TJP3: variants seen among roughly 807,000 people sequenced by gnomAD.
TJP3 encodes the protein tight junction protein 3.
A neutral mutation model predicts 104.2 loss-of-function variants in TJP3; 85 were observed. The ratio of observed to expected loss-of-function variants is 0.82; its 90% confidence interval spans 0.68 to 0.98. The LOEUF (loss-of-function observed/expected upper bound fraction) is 0.98, where lower values mean the gene tolerates loss of function less well. Among genes scored for constraint, TJP3 ranks in the 50% least tolerant of loss-of-function variants. The probability of loss-of-function intolerance (pLI) is 0.00; values close to 1 mark genes in which losing one functional copy is unlikely to be tolerated. For synonymous variants in TJP3, 550 were observed against 550.6 expected, an observed-to-expected ratio of 1.00 and a Z score of 0.02; for missense variants, 1,367 against 1,322.8, an observed-to-expected ratio of 1.03 and a Z score of -0.52.
intron 18 of TJP3, among the ~76,000 whole-genome samples, chr19:3,747,082 G>C (rs1217282917): frequency 2.6e-5 from 4 of 151,918 alleles, no homozygotes; most frequent in Non-Finnish European, 5.9e-5. Flanking sequence ...TGTTTGATTT[G>C]AGATGGAGTC....
At chr19:3,715,280 G>A (rs2036467452) in intron 1 of TJP3, among the ~76,000 whole-genome samples, 1 of 152,038 alleles carries the variant, frequency 6.6e-6, no homozygotes, top group South Asian at 2.1e-4. Context: ...TAGTAGAGAT[G>A]GGGTTTCACC....
chr19:3,741,181 T>G (rs2036812271), intron 14 of TJP3, among the ~76,000 whole-genome samples: 1 of 151,946 alleles, frequency 6.6e-6, no homozygotes, highest in South Asian at 2.1e-4. Flanking sequence ...TTTTGTATTT[T>G]TAGTAAAGAC....
intron 1 of TJP3, among the ~76,000 whole-genome samples, chr19:3,720,951 A>C (rs1599145299): frequency 8.2e-6 from 1 of 121,226 alleles, no homozygotes; most frequent in South Asian, 2.7e-4. Context: ...TCTGTCGCCC[A>C]GACTGGAGTG....
intron 1 of TJP3, among the ~76,000 whole-genome samples, chr19:3,717,937 C>T (rs1467700389): frequency 4.8e-5 from 6 of 125,982 alleles, no homozygotes; most frequent in Admixed American, 1.6e-4. Flanking sequence ...AAAAAAAGGC[C>T]GGGCACGATG....
chr19:3,712,425 A>C (rs1599140220), intron 1 of TJP3, among the ~76,000 whole-genome samples: 1 of 152,104 alleles, frequency 6.6e-6, no homozygotes, highest in South Asian at 2.1e-4. Context: ...TGGCTTTCCC[A>C]CTGGGGGCCC....
chr19:3,711,268 G>A (rs556047539), intron 1 of TJP3, among the ~76,000 whole-genome samples: 1 of 61,542 alleles, frequency 1.6e-5, no homozygotes, highest in Non-Finnish European at 3.2e-5. Context: ...AACGATCTCC[G>A]CTCGCTGCAA....
chr19:3,735,249 G>A (rs925468069), intron 8 of TJP3, among the ~76,000 whole-genome samples: 2 of 151,952 alleles, frequency 1.3e-5, no homozygotes, highest in Non-Finnish European at 2.9e-5. Flanking sequence ...GCCCAGGCTG[G>A]AGTGCAGTGG....
intron 1 of TJP3, among the ~76,000 whole-genome samples, chr19:3,717,331 G>A (rs2036488483): frequency 7.9e-6 from 1 of 126,850 alleles, no homozygotes; most frequent in African/African-American, 2.5e-5. Context: ...TCAAACTCCT[G>A]ACCTCAAGTG....
chr19:3,737,149 A>C (rs1348670236), intron 11 of TJP3, among the ~76,000 whole-genome samples: 1 of 151,966 alleles, frequency 6.6e-6, no homozygotes, highest in Non-Finnish European at 1.5e-5. Context: ...CAAAGTGCTG[A>C]GATTATAAGC....
At chr19:3,727,197 T>G (rs1375127121) in intron 1 of TJP3, among the ~76,000 whole-genome samples, 1 of 151,682 alleles carries the variant, frequency 6.6e-6, no homozygotes, top group African/African-American at 2.4e-5. Context: ...AGATAGTACA[T>G]GTAAGGCTGG....
At chr19:3,720,966 G>T (rs1388490110) in intron 1 of TJP3, among the ~76,000 whole-genome samples, 2 of 143,170 alleles carry the variant, frequency 1.4e-5, no homozygotes, top group Admixed American at 7.2e-5. Flanking sequence ...GGAGTGCAGT[G>T]GCGTGATATC....
At position 3,733,759 on chromosome 19, in the gene TJP3, G is replaced by A. The variant is rs200312524; in HGVS notation, c.724G>A (p.Gly242Arg). The change falls in exon 7 of 21, where the codon GGG becomes AGG. Residue 242 changes from glycine (G) to arginine (R), a missense_variant. Physicochemically the swap from Gly to Arg is moderately radical, Grantham distance 125 (BLOSUM62 -2). Transcript: ENST00000541714. Reference sequence around the variant, plus strand: ...CATTCCTGGTCCCTTTCAGATCAACGGGGTGTCTAGCCAGAACCTGTCACT... The same window carrying A: ...CATTCCTGGTCCCTTTCAGATCAACAGGGTGTCTAGCCAGAACCTGTCACT... ...QEGDLILQIN[G>R]VSSQNLSLND... is the part of the protein sequence containing the mutation. The A allele has an allele frequency of 1.4e-5, 23 of 1,613,844 alleles. No homozygotes were observed. Among genetic ancestry groups the A allele is most frequent in the East Asian group, 2.2e-5 (1 of 44,884 alleles).
At position 3,740,735 on chromosome 19, in the gene TJP3, G is replaced by A. The variant is rs374536544; in HGVS notation, c.1815G>A (p.Pro605=). The stretch of plus-strand genomic sequence containing the variant: ...CTCTGACCCGACAGGGCCGCTACCC[G>A]CCCTACGAACGAGTGGTGTTGCGAG... ...LSALTRQGRY[P]PYERVVLREA... is the part of the protein sequence containing the mutation. Residue 605 remains proline (P), a synonymous_variant, in exon 14 of 21, where the codon CCG becomes CCA. Coordinates refer to ENST00000541714, the MANE Select transcript of TJP3 (RefSeq NM_001267560.2). 59 of 1,593,596 alleles carry A rather than the reference G, an allele frequency of 3.7e-5. No individual in the cohort carries two copies. Among genetic ancestry groups the A allele is most frequent in the African/African-American group, 9.5e-5 (7 of 74,068 alleles).
chr19:3,724,664 G>T (rs1026252870), intron 1 of TJP3, among the ~76,000 whole-genome samples: 21 of 152,172 alleles, frequency 1.4e-4, no homozygotes, highest in Non-Finnish European at 2.2e-4. Flanking sequence ...AGCCTCTCGA[G>T]GAGCTGGGAC....
At chr19:3,728,742 G>C (rs751939233) in intron 3 of TJP3, 29 bp downstream of exon 3, 4 of 1,608,640 alleles carry the variant, frequency 2.5e-6, no homozygotes, top group African/African-American at 2.7e-5. Flanking sequence ...GGGTTCTGGC[G>C]GGGGAGGGCA....
At chr19:3,719,499 G>A (rs2036522087) in intron 1 of TJP3, among the ~76,000 whole-genome samples, 2 of 151,920 alleles carry the variant, frequency 1.3e-5, no homozygotes, top group Admixed American at 1.3e-4. Flanking sequence ...ATTTTGGGTG[G>A]CCGAGGTGGG....
At chr19:3,748,877 G>C (rs1000457399) in intron 19 of TJP3, among the ~76,000 whole-genome samples, 18 of 20,028 alleles carry the variant, frequency 9.0e-4, no homozygotes, top group African/African-American at 2.4e-3. Flanking sequence ...TTTTTTTTTT[G>C]AGTTAGAGTC....
chr19:3,725,240 C>G (rs1039913270), intron 1 of TJP3, among the ~76,000 whole-genome samples: 12 of 152,068 alleles, frequency 7.9e-5, no homozygotes, highest in Admixed American at 3.3e-4. Context: ...CCAGCCTGGG[C>G]AACAGAGTGA....
In TJP3 at chr19:3,750,576, C is replaced by A; in HGVS notation, c.2658-6C>A. On this transcript the variant is annotated splice_polypyrimidine_tract_variant and splice_region_variant and intron_variant, in intron 20 of 20. Coordinates refer to ENST00000541714, the MANE Select transcript of TJP3 (RefSeq NM_001267560.2). ...CACAGCATCTATTCTATTTCCTGAT[C>A]CCCAGAACCTATGAACGGGAAGCCC... 1 of 1,595,244 alleles carries A rather than the reference C, an allele frequency of 6.3e-7. No individual in the cohort carries two copies. Among genetic ancestry groups the A allele is most frequent in the Non-Finnish European group, 8.6e-7 (1 of 1,169,060 alleles).
Sources: gnomAD v4.1 joint callset for allele counts (sites outside exome capture counted in the v4.1 genomes callset) on GRCh38, gnomAD v4.1.1 for gene constraint, MANE v1.5 for transcripts, NCBI Gene and HGNC (gene_info 2026-07-23, HGNC 2026-07-21) for gene names.